VPS13B: variants seen among roughly 807,000 people sequenced by gnomAD.
VPS13B encodes the protein vacuolar protein sorting 13 homolog B.
Under a neutral mutation model 426.4 loss-of-function variants are expected in VPS13B, and 285 were observed. That is an observed-to-expected ratio of 0.67 (90% CI 0.61 to 0.74). The LOEUF (loss-of-function observed/expected upper bound fraction) is 0.74, where lower values mean the gene tolerates loss of function less well. Among genes scored for constraint, VPS13B ranks in the 30% least tolerant of loss-of-function variants. The pLI is 0.00. For synonymous variants in VPS13B, 1,676 were observed against 1,676.4 expected, an observed-to-expected ratio of 1.00 and a Z score of 0.01; for missense variants, 4,537 against 4,782.6, an observed-to-expected ratio of 0.95 and a Z score of 1.51.
At chr8:99,867,054 T>C (rs1349487425) in intron 58 of VPS13B, among the ~76,000 whole-genome samples, 1 of 152,202 alleles carries the variant, frequency 6.6e-6, no homozygotes, top group Non-Finnish European at 1.5e-5. Context: ...CTTAAATGTC[T>C]CTGTCAAAAC....
chr8:99,584,915 A>G (rs1826233591), intron 33 of VPS13B, among the ~76,000 whole-genome samples: 1 of 152,202 alleles, frequency 6.6e-6, no homozygotes, highest in Non-Finnish European at 1.5e-5. Flanking sequence ...ACAATAATAA[A>G]TATTTGGAAC....
intron 20 of VPS13B, among the ~76,000 whole-genome samples, 191 bp from the exon 21 acceptor site, chr8:99,391,364 TGA>T (rs1045294823): frequency 1.4e-5 from 2 of 145,488 alleles, no homozygotes; most frequent in African/African-American, 5.0e-5. Flanking sequence ...TGTGTGTGTG[TGA>T]GAGAGAGAGA....
At chr8:99,682,716 C>T (rs1004680211) in intron 35 of VPS13B, among the ~76,000 whole-genome samples, 1 of 152,146 alleles carries the variant, frequency 6.6e-6, no homozygotes, top group Admixed American at 6.5e-5. Context: ...CAGCACTGGG[C>T]CTCACCCAAG....
chr8:99,027,227 G>T (rs552595348), intron 2 of VPS13B, among the ~76,000 whole-genome samples: 2 of 151,920 alleles, frequency 1.3e-5, no homozygotes, highest in Non-Finnish European at 2.9e-5. Flanking sequence ...TTTAATTGAG[G>T]ATTATAGTTT....
At chr8:99,320,450 T>C (rs1402531958) in intron 19 of VPS13B, among the ~76,000 whole-genome samples, 1 of 152,186 alleles carries the variant, frequency 6.6e-6, no homozygotes, top group Non-Finnish European at 1.5e-5. Flanking sequence ...GGCCAATTAA[T>C]GTTGATATAT....
intron 14 of VPS13B, among the ~76,000 whole-genome samples, chr8:99,154,545 T>C (rs1398163866): frequency 1.3e-5 from 2 of 152,198 alleles, no homozygotes; most frequent in Non-Finnish European, 2.9e-5. Flanking sequence ...CTTTAGATTG[T>C]TGGCTAATTC....
At chr8:99,827,561 G>GT (rs1442460235) in intron 51 of VPS13B, among the ~76,000 whole-genome samples, 7 of 139,054 alleles carry the variant, frequency 5.0e-5, no homozygotes, top group Admixed American at 1.5e-4. Context: ...TTTTTGAAGA[G>GT]TTTTTTATGT....
At chr8:99,430,559 A>T (rs1259918021) in intron 21 of VPS13B, among the ~76,000 whole-genome samples, 1 of 152,214 alleles carries the variant, frequency 6.6e-6, no homozygotes, top group East Asian at 1.9e-4. Context: ...TTTCATTATG[A>T]AAACATGGTT....
At chr8:99,872,877 C>A (rs1362970582) in intron 61 of VPS13B, among the ~76,000 whole-genome samples, 1 of 152,204 alleles carries the variant, frequency 6.6e-6, no homozygotes, top group Non-Finnish European at 1.5e-5. Flanking sequence ...CAGCCAACCA[C>A]AACAACTCTT....
intron 19 of VPS13B, among the ~76,000 whole-genome samples, chr8:99,368,788 CA>C (rs1813022475): frequency 6.6e-6 from 1 of 152,034 alleles, no homozygotes. Flanking sequence ...TATTTTTCCC[CA>C]GGTGTATTTA....
At position 99,455,917 on chromosome 8, in the gene VPS13B, A is replaced by G. The variant is rs78406288; in HGVS notation, c.3446-11497A>G. 3.9e-3 allele frequency among the ~76,000 whole-genome samples: 590 copies of G among 152,306 alleles called. 8 individuals are homozygous for G. Among genetic ancestry groups the G allele is most frequent in the African/African-American group, 0.014 (563 of 41,560 alleles). On this transcript the variant is annotated intron_variant, in intron 23 of 61. Transcript: ENST00000357162. ...TACAGTGAATAATGCTGTTATGTAC[A>G]TTTAGGTACATGTATTTGTATGGAC...
At chr8:99,196,288 A>G (rs1010314804) in intron 17 of VPS13B, among the ~76,000 whole-genome samples, 7 of 151,706 alleles carry the variant, frequency 4.6e-5, no homozygotes, top group Admixed American at 4.6e-4. Flanking sequence ...TTATATCCAC[A>G]TATTTTTGTT....
At chr8:99,156,833 G>A in intron 15 of VPS13B, 90 bp downstream of exon 15, 1 of 1,224,704 alleles carries the variant, frequency 8.2e-7, no homozygotes, top group Non-Finnish European at 1.2e-6. Flanking sequence ...TGTAATTTCA[G>A]AGAAATAGTA....
intron 19 of VPS13B, among the ~76,000 whole-genome samples, chr8:99,331,835 A>G (rs535634441): frequency 1.3e-4 from 20 of 151,892 alleles, no homozygotes; most frequent in Admixed American, 3.9e-4. Flanking sequence ...ACATTGCATG[A>G]TCTTACAGCA....
chr8:99,818,330 T>C (rs1370318550), intron 45 of VPS13B, 121 bp from the exon 46 acceptor site: 1 of 1,064,972 alleles, frequency 9.4e-7, no homozygotes, highest in Non-Finnish European at 1.4e-6. Flanking sequence ...TTTTTAATAA[T>C]GGCTTTTTCC....
At chr8:99,558,375 T>C (rs1268518929) in intron 31 of VPS13B, among the ~76,000 whole-genome samples, 11 of 151,932 alleles carry the variant, frequency 7.2e-5, no homozygotes, top group Non-Finnish European at 1.5e-4. Flanking sequence ...GCTCCTATCA[T>C]TTAGCAAGCC....
chr8:99,192,352 C>T (rs1300411484), intron 16 of VPS13B, among the ~76,000 whole-genome samples: 2 of 152,150 alleles, frequency 1.3e-5, no homozygotes. Context: ...GGCTGTGGAT[C>T]AGGTTGCCTG....
chr8:99,122,120 A>G (rs964850047), intron 8 of VPS13B, among the ~76,000 whole-genome samples: 2 of 151,362 alleles, frequency 1.3e-5, no homozygotes, highest in South Asian at 2.1e-4. Context: ...TGGCCTCCCA[A>G]TGTGCTAGGA....
intron 19 of VPS13B, among the ~76,000 whole-genome samples, chr8:99,338,954 A>G (rs907227709): frequency 3.9e-5 from 6 of 152,202 alleles, no homozygotes; most frequent in Non-Finnish European, 7.4e-5. Context: ...TGAGTATCAC[A>G]GATCAAAAAG....
Sources: allele counts gnomAD v4.1 joint callset (sites outside exome capture counted in the v4.1 genomes callset), GRCh38; gene constraint gnomAD v4.1.1; transcripts MANE v1.5; gene names NCBI Gene and HGNC (gene_info 2026-07-23, HGNC 2026-07-21).